Variants in RAB7A observed in about 807,000 individuals in gnomAD.
RAB7A encodes the protein ras-related protein Rab-7a.
A neutral mutation model predicts 24.5 loss-of-function variants in RAB7A; 2 were observed. The observed-to-expected ratio is 0.08, with a 90% CI of 0.03 to 0.26. The LOEUF is 0.26. Ranked by LOEUF, RAB7A falls within the 10% of genes least tolerant of loss-of-function variation. The pLI is 1.00. For synonymous variants in RAB7A, 100 were observed against 95.9 expected, an observed-to-expected ratio of 1.04 and a Z score of -0.25; for missense variants, 118 against 255.7, an observed-to-expected ratio of 0.46 and a Z score of 3.67.
rs772160383 is a variant in RAB7A, at chr3:128,793,883, A to G, written c.-8-1477A>G. Among the ~76,000 whole-genome samples, 29 of 152,332 alleles carry G rather than the reference A, an allele frequency of 1.9e-4. 2 individuals carry two copies. Among genetic ancestry groups the G allele is most frequent in the South Asian group, 1.0e-3 (5 of 4,824 alleles). Reference sequence around the variant, plus strand: ...GCAGAGAAACAGCTTGACCCTCTGCATAGGTCATGGGACCTGGGGTGTGTG... The same window carrying G: ...GCAGAGAAACAGCTTGACCCTCTGCGTAGGTCATGGGACCTGGGGTGTGTG... On this transcript the variant is annotated intron_variant, in intron 1 of 5. Coordinates refer to ENST00000265062, the MANE Select transcript of RAB7A (RefSeq NM_004637.6).
intron 2 of RAB7A, among the ~76,000 whole-genome samples, chr3:128,796,116 G>A (rs1933569856): frequency 6.6e-6 from 1 of 152,084 alleles, no homozygotes; most frequent in African/African-American, 2.4e-5. Flanking sequence ...AGATCTATCT[G>A]CAAAAGAGCC....
chr3:128,768,035 T>C (rs974462144), intron 1 of RAB7A, among the ~76,000 whole-genome samples: 7 of 152,198 alleles, frequency 4.6e-5, no homozygotes, highest in Non-Finnish European at 8.8e-5. Flanking sequence ...ACAAATCCAT[T>C]ACCCTGAAGT....
chr3:128,759,231 A>G (rs149911046), intron 1 of RAB7A, among the ~76,000 whole-genome samples: 30 of 152,378 alleles, frequency 2.0e-4, no homozygotes, highest in African/African-American at 7.0e-4. Flanking sequence ...AAGAGGAATA[A>G]GATTAAGTAA....
At chr3:128,783,201 C>A (rs1415338474) in intron 1 of RAB7A, among the ~76,000 whole-genome samples, 1 of 117,218 alleles carries the variant, frequency 8.5e-6, no homozygotes, top group African/African-American at 3.2e-5. Flanking sequence ...GAGAATTTAT[C>A]CCCCGCCCCC....
intron 1 of RAB7A, chr3:128,764,624 C>T (rs895555815): frequency 3.4e-6 from 4 of 1,191,952 alleles, no homozygotes; most frequent in African/African-American, 1.5e-5. Context: ...TCAATGAAGT[C>T]ACACAAATGG....
intron 1 of RAB7A, among the ~76,000 whole-genome samples, chr3:128,775,718 A>G (rs995677070): frequency 2.6e-5 from 4 of 152,236 alleles, no homozygotes; most frequent in African/African-American, 9.6e-5. Context: ...ATCTAGCCCC[A>G]TGAAATGCCT....
chr3:128,729,131 A>T (rs7649219), intron 1 of RAB7A, among the ~76,000 whole-genome samples: 41,119 of 151,936 alleles, frequency 0.27, 7,027 homozygotes, highest in African/African-American at 0.48. Context: ...AATTTTTTTT[A>T]AAATTTTTTT....
At chr3:128,791,814 C>T (rs6804542) in intron 1 of RAB7A, among the ~76,000 whole-genome samples, 389 of 152,272 alleles carry the variant, frequency 2.6e-3, no homozygotes, top group African/African-American at 9.0e-3. Context: ...GGCACAGTCT[C>T]CCTGTGCCTG....
chr3:128,792,992 A>C (rs1933491297), intron 1 of RAB7A, among the ~76,000 whole-genome samples: 1 of 151,806 alleles, frequency 6.6e-6, no homozygotes, highest in South Asian at 2.1e-4. Flanking sequence ...CTGGGATTAC[A>C]GGCGCGTGCC....
In RAB7A at chr3:128,813,580, ATC is replaced by A; in HGVS notation, c.*163_*164del. On this transcript the variant is annotated 3_prime_UTR_variant, in exon 6 of 6. Coordinates refer to ENST00000265062, the MANE Select transcript of RAB7A (RefSeq NM_004637.6). ...CATCAAACACAGTTACACCCCACATATCTCTCACACACACACACACACGCACA... is the reference window on the plus strand; with the variant it reads ...CATCAAACACAGTTACACCCCACATATCTCACACACACACACACACGCACA... The A allele has an allele frequency of 2.8e-5, 19 of 680,462 alleles. No individual in the cohort carries two copies. Among genetic ancestry groups the A allele is most frequent in the Non-Finnish European group, 4.0e-5 (15 of 372,828 alleles). 42.2% of individuals were successfully genotyped at this position (680,462 alleles called of 1,614,324 possible).
intron 5 of RAB7A, among the ~76,000 whole-genome samples, chr3:128,809,948 T>C (rs1411706295): frequency 2.1e-5 from 2 of 95,306 alleles, no homozygotes; most frequent in Non-Finnish European, 4.6e-5. Flanking sequence ...TTTTTTTTTT[T>C]TTTTTTTTTT....
chr3:128,782,686 T>G (rs1048611237), intron 1 of RAB7A, among the ~76,000 whole-genome samples: 105 of 77,166 alleles, frequency 1.4e-3, no homozygotes, highest in Non-Finnish European at 1.7e-3. Context: ...GGGTGGGGGG[T>G]GGGGGAAGTG....
intron 1 of RAB7A, among the ~76,000 whole-genome samples, chr3:128,779,901 T>C (rs1364318807): frequency 1.3e-5 from 2 of 152,124 alleles, no homozygotes; most frequent in Admixed American, 6.5e-5. Context: ...CATGAGGAGA[T>C]AGGAGAGAAC....
intron 1 of RAB7A, among the ~76,000 whole-genome samples, chr3:128,744,102 TAAA>T (rs58045599): frequency 7.0e-6 from 1 of 142,016 alleles, no homozygotes; most frequent in Non-Finnish European, 1.5e-5. Flanking sequence ...TTCTTGCTCT[TAAA>T]AAAAAAAAAA....
rs759761853 is a variant in RAB7A, at chr3:128,813,444, C to G, written c.*22C>G. ...CTGAGGGGGCAGTGAGAGTTGAGCA[C>G]AGAGTCCTTCACAAACCAAGAACAC... On this transcript the variant is annotated 3_prime_UTR_variant, in exon 6 of 6. Transcript: ENST00000265062. 1.2e-6 allele frequency: 2 copies of G among 1,604,406 alleles called. No homozygotes were observed. Among genetic ancestry groups the G allele is most frequent in the African/African-American group, 2.7e-5 (2 of 74,716 alleles).
intron 1 of RAB7A, among the ~76,000 whole-genome samples, chr3:128,743,733 G>T (rs1472748008): frequency 1.3e-5 from 2 of 151,856 alleles, no homozygotes; most frequent in African/African-American, 4.8e-5. Flanking sequence ...TGGGAGGATT[G>T]CTTGAGCCTA....
chr3:128,749,058 CT>C (rs1344070413), intron 1 of RAB7A: 2 of 152,194 alleles, frequency 1.3e-5, no homozygotes, highest in Non-Finnish European at 2.9e-5. Context: ...CCAGAGTCTG[CT>C]GTTTTTATGT....
chr3:128,744,349 A>T (rs925640088), intron 1 of RAB7A, among the ~76,000 whole-genome samples: 1 of 152,234 alleles, frequency 6.6e-6, no homozygotes, highest in African/African-American at 2.4e-5. Flanking sequence ...TCACCAATAG[A>T]TTTGGGCAGA....
intron 1 of RAB7A, among the ~76,000 whole-genome samples, chr3:128,790,884 G>C (rs889471809): frequency 6.6e-6 from 1 of 151,996 alleles, no homozygotes; most frequent in African/African-American, 2.4e-5. Flanking sequence ...ATGCTCCCCA[G>C]CCTCCCCTTC....
Sources: allele counts gnomAD v4.1 joint callset (sites outside exome capture counted in the v4.1 genomes callset), GRCh38; gene constraint gnomAD v4.1.1; transcripts MANE v1.5; gene names NCBI Gene and HGNC (gene_info 2026-07-23, HGNC 2026-07-21).